ANO6: variants seen among roughly 807,000 people sequenced by gnomAD.
ANO6 encodes the protein anoctamin-6.
ANO6 carries 106 observed loss-of-function variants against 117.5 expected under a neutral mutation model. The observed-to-expected ratio is 0.90, with a 90% CI of 0.77 to 1.06. The LOEUF is 1.06. Among genes scored for constraint, ANO6 ranks in the 50% least tolerant of loss-of-function variants. The pLI, the probability that ANO6 is intolerant of heterozygous loss-of-function variation, is 0.00. For synonymous variants in ANO6, 367 were observed against 385.1 expected, an observed-to-expected ratio of 0.95 and a Z score of 0.55; for missense variants, 955 against 1,121.1, an observed-to-expected ratio of 0.85 and a Z score of 2.12.
Position 45,429,541 on chromosome 12 carries a change from C to G in ANO6, c.*230C>G, listed in dbSNP as rs1395360469. 5 of 1,326,308 alleles carry G rather than the reference C, an allele frequency of 3.8e-6. No homozygotes were observed. The highest frequency in any genetic ancestry group is 4.8e-6 in the Non-Finnish European group (5 of 1,037,254). The allele number at this position is 1,326,308 out of a possible 1,614,324, so 82.2% of individuals were successfully genotyped here. A position where few individuals can be genotyped will look rare whatever the true frequency, so the allele number is the denominator to read the frequency against. On this transcript the variant is annotated 3_prime_UTR_variant, in exon 20 of 20. Coordinates refer to ENST00000320560, the MANE Select transcript of ANO6 (RefSeq NM_001025356.3). The stretch of plus-strand genomic sequence containing the variant: ...ATCACCCGGAAAACCTCAATGTTAC[C>G]TTTTTCTGATAAATTGGAATTTTAC...
rs1333061095 is a variant in ANO6 at position 45,348,151 on chromosome 12, G to A, written c.469G>A (p.Ala157Thr). 6.2e-7 allele frequency: 1 copy of A among 1,614,042 alleles called. No homozygotes were observed. The highest frequency in any genetic ancestry group is 1.1e-5 in the South Asian group (1 of 91,080). ...CAATGATCTGAAAAACCGGTCCTCA[G>A]CCTTTGGTACACTCAACTGGTTTAC... is the stretch of plus-strand genomic sequence containing the variant. Reference protein sequence around the residue: ...KPNDLKNRSSAFGTLNWFTKV... With the variant: ...KPNDLKNRSSTFGTLNWFTKV... The change falls in exon 5 of 20, where the codon GCC (alanine) becomes ACC (threonine). Residue 157 changes from alanine to threonine, a missense_variant. Ala to Thr is a moderately conservative substitution (Grantham distance 58, BLOSUM62 0). Transcript: ENST00000320560.
intron 16 of ANO6, among the ~76,000 whole-genome samples, chr12:45,415,480 C>T (rs879077929): frequency 1.3e-5 from 2 of 152,212 alleles, no homozygotes; most frequent in Admixed American, 6.5e-5. Flanking sequence ...CCACAGTTGA[C>T]GGGCTGACTC....
intron 8 of ANO6, among the ~76,000 whole-genome samples, chr12:45,367,003 A>G (rs977664666): frequency 6.6e-6 from 1 of 152,048 alleles, no homozygotes. Context: ...GTTTTTTGAG[A>G]CAGAGTCTCA....
chr12:45,421,265 C>CT lies in ANO6; in HGVS notation c.2412_2413insT (p.Thr805TyrfsTer6). On this transcript the variant is annotated frameshift_variant, in exon 18 of 20. Coordinates refer to ENST00000320560, the MANE Select transcript of ANO6 (RefSeq NM_001025356.3). LOFTEE classifies it high-confidence loss of function. ...CGTACTCTGACCTGGGTAACCATAC[C>CT]ACATGCAGGCAAGTTCTGCTTTACT... is the stretch of plus-strand genomic sequence containing the variant. 4 of 1,613,976 alleles carry CT rather than the reference C, an allele frequency of 2.5e-6. No individual in the cohort carries two copies. The highest frequency in any genetic ancestry group is 2.5e-6 in the Non-Finnish European group (3 of 1,179,912).
intron 10 of ANO6, among the ~76,000 whole-genome samples, chr12:45,387,437 C>T (rs762537487): frequency 2.0e-5 from 3 of 152,038 alleles, no homozygotes; most frequent in Non-Finnish European, 4.4e-5. Flanking sequence ...AATGAGGGCA[C>T]GGGGAAAAGC....
At chr12:45,398,774 T>C (rs1378954055) in intron 12 of ANO6, among the ~76,000 whole-genome samples, 1 of 152,182 alleles carries the variant, frequency 6.6e-6, no homozygotes, top group Non-Finnish European at 1.5e-5. Context: ...GGATAAAATA[T>C]GTAAAGTGGT....
chr12:45,246,795 C>T (rs2137178161), intron 1 of ANO6, among the ~76,000 whole-genome samples: 1 of 141,410 alleles, frequency 7.1e-6, no homozygotes, highest in South Asian at 2.3e-4. Flanking sequence ...GACAGGGTCT[C>T]ACTGTGTTAC....
chr12:45,423,352 CT>C (rs1943415366), intron 19 of ANO6, among the ~76,000 whole-genome samples: 1 of 152,148 alleles, frequency 6.6e-6, no homozygotes, highest in African/African-American at 2.4e-5. Context: ...TATGAAAGGG[CT>C]TATGCAAGAT....
At chr12:45,322,672 G>A (rs1381661943) in intron 2 of ANO6, among the ~76,000 whole-genome samples, 1 of 152,130 alleles carries the variant, frequency 6.6e-6, no homozygotes, top group African/African-American at 2.4e-5. Context: ...CAAGAGCACA[G>A]ACTAGAACGA....
intron 1 of ANO6, among the ~76,000 whole-genome samples, chr12:45,286,245 C>T (rs1295524530): frequency 2.0e-5 from 3 of 152,184 alleles, no homozygotes; most frequent in Non-Finnish European, 4.4e-5. Context: ...AGCAATCCTC[C>T]TGTCTCAGCC....
At chr12:45,305,021 C>G (rs945128197) in intron 2 of ANO6, among the ~76,000 whole-genome samples, 1 of 152,218 alleles carries the variant, frequency 6.6e-6, no homozygotes, top group Non-Finnish European at 1.5e-5. Flanking sequence ...ACCTGCATAT[C>G]TGTGTTGCTC....
At chr12:45,376,785 T>C (rs1245875582) in intron 9 of ANO6, among the ~76,000 whole-genome samples, 1 of 150,900 alleles carries the variant, frequency 6.6e-6, no homozygotes, top group East Asian at 1.9e-4. Flanking sequence ...CGCACCAACA[T>C]GGCACATGTA....
chr12:45,377,951 G>T, intron 9 of ANO6, 102 bp from the exon 10 acceptor site: 2 of 1,143,720 alleles, frequency 1.7e-6, no homozygotes, highest in South Asian at 1.2e-5. Flanking sequence ...CATCACCTTT[G>T]AAAAGAACTT....
At chr12:45,303,369 A>G (rs1182928699) in intron 2 of ANO6, among the ~76,000 whole-genome samples, 1 of 152,186 alleles carries the variant, frequency 6.6e-6, no homozygotes, top group East Asian at 1.9e-4. Flanking sequence ...ATTGACACAG[A>G]TATTTCACAT....
At chr12:45,249,918 G>A (rs1233185879) in intron 1 of ANO6, among the ~76,000 whole-genome samples, 2 of 152,094 alleles carry the variant, frequency 1.3e-5, no homozygotes, top group Non-Finnish European at 2.9e-5. Context: ...AGACTAATGT[G>A]CTTAATGAGA....
chr12:45,439,925 A>T (rs759819331), exon 20 of ANO6: 323 of 1,484,480 alleles, frequency 2.2e-4, no homozygotes, highest in Non-Finnish European at 2.6e-4. Flanking sequence ...TCTGTATCGA[A>T]TTTCTTAAGT....
intron 1 of ANO6, among the ~76,000 whole-genome samples, chr12:45,260,792 AT>A (rs889295016): frequency 6.1e-4 from 92 of 150,698 alleles, no homozygotes; most frequent in African/African-American, 1.8e-3. Flanking sequence ...ATTTTTATTT[AT>A]TTTTTTTTAA....
chr12:45,371,717 C>T (rs908391500), intron 9 of ANO6, among the ~76,000 whole-genome samples: 3 of 152,152 alleles, frequency 2.0e-5, no homozygotes, highest in African/African-American at 4.8e-5. Flanking sequence ...CTGTACATCA[C>T]CATCATCAAA....
rs574796579 is a variant in ANO6, at chr12:45,321,612, G to T, written c.151-9683G>T. ...TTGTATTTTGTCACTAACAGGAAATGTTGTCAGTTGTTTTCCTTGAAATGA... is the reference window on the plus strand; with the variant it reads ...TTGTATTTTGTCACTAACAGGAAATTTTGTCAGTTGTTTTCCTTGAAATGA... On this transcript the variant is annotated intron_variant, in intron 2 of 19. Transcript: ENST00000320560. Among the ~76,000 whole-genome samples the T allele has an allele frequency of 8.4e-3, 1,284 of 152,222 alleles. 7 individuals are homozygous for T. The highest frequency in any genetic ancestry group is 0.051 in the Middle Eastern group (15 of 294).
Sources: allele counts gnomAD v4.1 joint callset (sites outside exome capture counted in the v4.1 genomes callset), GRCh38; gene constraint gnomAD v4.1.1; transcripts MANE v1.5; gene names NCBI Gene and HGNC (gene_info 2026-07-23, HGNC 2026-07-21).